ACTR3C: variants seen among roughly 807,000 people sequenced by gnomAD.
ACTR3C encodes actin related protein 3C, also known as actin-related protein 3C.
A neutral mutation model predicts 26.3 loss-of-function variants in ACTR3C; 18 were observed. The observed-to-expected ratio is 0.68, with a 90% CI of 0.47 to 1.01. The LOEUF (loss-of-function observed/expected upper bound fraction) is 1.01. Ranked by LOEUF, ACTR3C falls within the 50% of genes least tolerant of loss-of-function variation. ACTR3C has a pLI of 0.00. For synonymous variants in ACTR3C, 55 were observed against 94.5 expected, an observed-to-expected ratio of 0.58 and a Z score of 2.42; for missense variants, 184 against 250.7, an observed-to-expected ratio of 0.73 and a Z score of 1.80.
the ACTR3C span, among the ~76,000 whole-genome samples, chr7:150,036,191 A>AG: frequency 3.5e-5 from 5 of 144,264 alleles, 1 homozygote; most frequent in Non-Finnish European, 7.9e-5. Context: ...CCCAAGAGCC[A>AG]GGGGGGAAGA....
chr7:150,261,701 CATAAATAA>C (rs200953239), intron 6 of ACTR3C, among the ~76,000 whole-genome samples: 1 of 109,500 alleles, frequency 9.1e-6, no homozygotes, highest in Non-Finnish European at 1.9e-5. Flanking sequence ...GACTCCATCT[CATAAATAA>C]ATAAATAAAT....
In ACTR3C at chr7:150,262,727, C is replaced by T. The variant is rs541869342; in HGVS notation, c.565-13673G>A. Among the ~76,000 whole-genome samples, 12 of 152,212 alleles carry T rather than the reference C, an allele frequency of 7.9e-5. 1 individual carries two copies. In the South Asian group the frequency reaches 2.5e-3, roughly 32 times the overall value. ...CATCTACATCTAACATTTTATGATT[C>T]TAATATAATCTTACAAAATAATAAT... On this transcript the variant is annotated intron_variant, in intron 6 of 7. Transcript: ENST00000683684.
At chr7:149,946,597 C>T in the ACTR3C span, among the ~76,000 whole-genome samples, 1 of 152,102 alleles carries the variant, frequency 6.6e-6, no homozygotes, top group African/African-American at 2.4e-5. Flanking sequence ...AAGGTGGGTG[C>T]CCAAGTGCTG....
the ACTR3C span, among the ~76,000 whole-genome samples, chr7:150,164,549 T>C: frequency 1.3e-5 from 2 of 151,914 alleles, no homozygotes; most frequent in Non-Finnish European, 2.9e-5. Context: ...TTTTATTTCC[T>C]TATGCATTTC....
chr7:149,982,604 A>G, the ACTR3C span, among the ~76,000 whole-genome samples: 1 of 152,102 alleles, frequency 6.6e-6, no homozygotes, highest in Admixed American at 6.6e-5. Context: ...TGATTCTGCC[A>G]TGGATAACTG....
chr7:150,169,407 A>G, the ACTR3C span, among the ~76,000 whole-genome samples: 1 of 142,032 alleles, frequency 7.0e-6, no homozygotes, highest in East Asian at 2.0e-4. Flanking sequence ...AAAAAAAAAG[A>G]AGAAGAAGAT....
chr7:150,055,159 T>C, the ACTR3C span, among the ~76,000 whole-genome samples: 10 of 152,198 alleles, frequency 6.6e-5, no homozygotes, highest in African/African-American at 2.4e-4. Context: ...GGACCAACAG[T>C]GAAAGCATCA....
At chr7:150,035,689 T>A in the ACTR3C span, among the ~76,000 whole-genome samples, 1 of 135,584 alleles carries the variant, frequency 7.4e-6, no homozygotes, top group Non-Finnish European at 1.7e-5. Flanking sequence ...GATCTTAGGA[T>A]CAGCGATGGG....
chr7:149,903,042 AT>A, the ACTR3C span, among the ~76,000 whole-genome samples: 4 of 20,882 alleles, frequency 1.9e-4, no homozygotes, highest in Non-Finnish European at 2.2e-3. Flanking sequence ...GTCATTCATG[AT>A]TTTTTTAATT....
At chr7:150,051,884 G>A in the ACTR3C span, among the ~76,000 whole-genome samples, 5 of 152,222 alleles carry the variant, frequency 3.3e-5, no homozygotes, top group Non-Finnish European at 5.9e-5. Context: ...TACATCCATT[G>A]AGTTCAGCAG....
At chr7:150,280,865 C>T (rs1428192093) in intron 6 of ACTR3C, among the ~76,000 whole-genome samples, 1 of 151,612 alleles carries the variant, frequency 6.6e-6, no homozygotes, top group African/African-American at 2.4e-5. Flanking sequence ...CAATATACCT[C>T]AAAAATATAC....
At chr7:150,210,248 G>A in the ACTR3C span, among the ~76,000 whole-genome samples, 5 of 149,348 alleles carry the variant, frequency 3.3e-5, no homozygotes, top group South Asian at 2.1e-4. Flanking sequence ...TGGGGGAACC[G>A]GAAGCCTCAG....
chr7:150,088,360 C>T, the ACTR3C span, among the ~76,000 whole-genome samples: 11 of 152,244 alleles, frequency 7.2e-5, no homozygotes, highest in South Asian at 1.9e-3. Flanking sequence ...CTATGATTTC[C>T]TCTAGAAATT....
chr7:149,972,988 C>T, the ACTR3C span, among the ~76,000 whole-genome samples: 1 of 151,992 alleles, frequency 6.6e-6, no homozygotes, highest in Non-Finnish European at 1.5e-5. Flanking sequence ...CAGGTAAGCC[C>T]CGTGCATGGG....
chr7:150,042,850 T>C, the ACTR3C span, among the ~76,000 whole-genome samples: 3 of 150,924 alleles, frequency 2.0e-5, no homozygotes, highest in African/African-American at 4.9e-5. Flanking sequence ...ATCTTTTCTC[T>C]CTCTGACGCA....
the ACTR3C span, among the ~76,000 whole-genome samples, chr7:150,198,803 T>TG: frequency 0.22 from 23,101 of 105,600 alleles, 3,515 homozygotes; most frequent in African/African-American, 0.45. Context: ...GGGAGGGAGG[T>TG]GGGGGGGTCA....
At chr7:150,093,153 A>C in the ACTR3C span, among the ~76,000 whole-genome samples, 3 of 151,156 alleles carry the variant, frequency 2.0e-5, no homozygotes, top group Non-Finnish European at 4.4e-5. Flanking sequence ...TTGTTGGGAG[A>C]ACTAAAACAA....
chr7:149,937,829 C>G, the ACTR3C span, among the ~76,000 whole-genome samples: 1 of 152,174 alleles, frequency 6.6e-6, no homozygotes, highest in Non-Finnish European at 1.5e-5. Context: ...CTGATCCCTT[C>G]CCTCAGCCCA....
the ACTR3C span, among the ~76,000 whole-genome samples, chr7:150,078,134 C>A: frequency 6.6e-6 from 1 of 152,170 alleles, no homozygotes; most frequent in Non-Finnish European, 1.5e-5. Flanking sequence ...TTTTCTTCTA[C>A]CTTTATCACT....
Sources: gnomAD v4.1 joint callset for allele counts (sites outside exome capture counted in the v4.1 genomes callset) on GRCh38, gnomAD v4.1.1 for gene constraint, MANE v1.5 for transcripts, NCBI Gene and HGNC (gene_info 2026-07-23, HGNC 2026-07-21) for gene names.